The following UBE2H variants were observed in gnomAD, a reference collection of about 807,000 sequenced individuals.
UBE2H encodes the protein ubiquitin conjugating enzyme E2 H.
Under a neutral mutation model 29.0 loss-of-function variants are expected in UBE2H, and 3 were observed. That is an observed-to-expected ratio of 0.10 (90% confidence interval 0.05 to 0.27). The LOEUF (loss-of-function observed/expected upper bound fraction) is 0.27. Among genes scored for constraint, UBE2H ranks in the 10% least tolerant of loss-of-function variants. UBE2H has a pLI of 1.00. For synonymous variants in UBE2H, 69 were observed against 82.9 expected (o/e 0.83, Z 0.91); for missense variants, 68 against 228.2 (o/e 0.30, Z 4.52).
At chr7:129,948,779 T>C (rs1037482768) in intron 1 of UBE2H, among the ~76,000 whole-genome samples, 4 of 152,252 alleles carry the variant, frequency 2.6e-5, no homozygotes, top group African/African-American at 7.2e-5. Context: ...TCCCCATTAT[T>C]ATCCGATCTA....
chr7:129,952,095 GC>G (rs1807888778), intron 1 of UBE2H, among the ~76,000 whole-genome samples: 1 of 152,104 alleles, frequency 6.6e-6, no homozygotes, highest in African/African-American at 2.4e-5. Flanking sequence ...ACGGAGAAAG[GC>G]TTCCCTCTCG....
chr7:129,921,146 C>G (rs1374760677), intron 1 of UBE2H, among the ~76,000 whole-genome samples: 1 of 152,086 alleles, frequency 6.6e-6, no homozygotes, highest in Non-Finnish European at 1.5e-5. Flanking sequence ...AACAATGACC[C>G]TTTGCAGCAG....
At position 129,839,286 on chromosome 7, in the gene UBE2H, A is replaced by C. The variant is rs754216356; in HGVS notation, c.348T>G (p.Pro116=). 2 of 1,613,944 alleles carry C rather than the reference A, an allele frequency of 1.2e-6. No individual in the cohort carries two copies. The highest frequency in any genetic ancestry group is 8.5e-7 in the Non-Finnish European group (1 of 1,179,996). The change falls in exon 6 of 7, where the codon CCT becomes CCG. Residue 116 remains proline (P), a synonymous_variant. Coordinates refer to ENST00000355621, the MANE Select transcript of UBE2H (RefSeq NM_003344.4). ...CACCATTGAGAGGATCTATGGGGTT[A>C]GGATAGGCCAATAACTGAGGCAGGA... ...ESFLPQLLAY[P]NPIDPLNGDA...
intron 5 of UBE2H, among the ~76,000 whole-genome samples, chr7:129,842,927 A>G (rs926943920): frequency 3.9e-5 from 6 of 152,118 alleles, no homozygotes; most frequent in Non-Finnish European, 5.9e-5. Flanking sequence ...TAAAAACAAA[A>G]AACAGTAGTT....
At chr7:129,910,893 A>G (rs1806922269) in intron 1 of UBE2H, among the ~76,000 whole-genome samples, 2 of 152,030 alleles carry the variant, frequency 1.3e-5, no homozygotes, top group South Asian at 4.2e-4. Flanking sequence ...AAAAACAAAA[A>G]CAAAAACAAA....
intron 5 of UBE2H, among the ~76,000 whole-genome samples, chr7:129,851,703 A>G (rs1805612954): frequency 6.6e-6 from 1 of 152,158 alleles, no homozygotes; most frequent in South Asian, 2.1e-4. Context: ...ACGATCCAAA[A>G]AGCCTGGACC....
chr7:129,887,861 C>G (rs1806395930), intron 1 of UBE2H, among the ~76,000 whole-genome samples: 1 of 152,036 alleles, frequency 6.6e-6, no homozygotes, highest in African/African-American at 2.4e-5. Flanking sequence ...CCAGCCTGGG[C>G]AACAAGAATG....
At chr7:129,859,250 G>A (rs1032930956) in intron 3 of UBE2H, among the ~76,000 whole-genome samples, 6 of 152,250 alleles carry the variant, frequency 3.9e-5, no homozygotes, top group African/African-American at 1.4e-4. Flanking sequence ...ACTACTAAAT[G>A]GTTCATAGCC....
intron 5 of UBE2H, among the ~76,000 whole-genome samples, chr7:129,847,513 CTCTT>C (rs1805533731): frequency 1.3e-5 from 2 of 150,850 alleles, no homozygotes; most frequent in South Asian, 2.1e-4. Flanking sequence ...GACCCAGTCT[CTCTT>C]TTTTTTTTTC....
At chr7:129,947,009 T>C (rs969019374) in intron 1 of UBE2H, among the ~76,000 whole-genome samples, 1 of 151,326 alleles carries the variant, frequency 6.6e-6, no homozygotes, top group African/African-American at 2.4e-5. Context: ...ATCTATAAAA[T>C]GCAGGTCAAG....
At chr7:129,939,810 T>C (rs1807604108) in intron 1 of UBE2H, among the ~76,000 whole-genome samples, 1 of 151,794 alleles carries the variant, frequency 6.6e-6, no homozygotes, top group African/African-American at 2.4e-5. Context: ...ATACAAAAAA[T>C]TAGCCGGGCA....
chr7:129,841,366 A>G (rs906621694), intron 5 of UBE2H, among the ~76,000 whole-genome samples: 2 of 152,256 alleles, frequency 1.3e-5, no homozygotes, highest in African/African-American at 4.8e-5. Flanking sequence ...TGTAAGGTTA[A>G]GAAGCTGAGC....
chr7:129,874,974 T>C (rs1370790154), intron 3 of UBE2H, among the ~76,000 whole-genome samples: 3 of 152,170 alleles, frequency 2.0e-5, no homozygotes, highest in South Asian at 4.1e-4. Context: ...GGGAGGCTGC[T>C]GGGAAACACG....
intron 3 of UBE2H, among the ~76,000 whole-genome samples, chr7:129,872,175 G>A (rs547427211): frequency 6.6e-6 from 1 of 152,168 alleles, no homozygotes; most frequent in Admixed American, 6.5e-5. Flanking sequence ...TTTTATTTGT[G>A]AAAATACAGT....
At chr7:129,880,812 T>C (rs1263107537) in intron 2 of UBE2H, 83 bp downstream of exon 2, 1 of 1,276,536 alleles carries the variant, frequency 7.8e-7, no homozygotes, top group Non-Finnish European at 1.1e-6. Context: ...AAACTACGCA[T>C]GCTACCATCT....
At chr7:129,898,657 C>T (rs910959105) in intron 1 of UBE2H, among the ~76,000 whole-genome samples, 3 of 152,132 alleles carry the variant, frequency 2.0e-5, no homozygotes, top group African/African-American at 7.2e-5. Flanking sequence ...GTTTGCACCA[C>T]GGAGACAAGT....
At chr7:129,880,144 T>C (rs1806225027) in intron 2 of UBE2H, among the ~76,000 whole-genome samples, 1 of 151,748 alleles carries the variant, frequency 6.6e-6, no homozygotes, top group African/African-American at 2.4e-5. Context: ...CAACCACAGA[T>C]CAAAAATATT....
chr7:129,879,669 A>G, intron 2 of UBE2H, 27 bp from the exon 3 acceptor site: 1 of 1,575,438 alleles, frequency 6.3e-7, no homozygotes. Context: ...AATGTTCATC[A>G]GAACTACATC....
intron 3 of UBE2H, among the ~76,000 whole-genome samples, chr7:129,874,117 C>T (rs1017682746): frequency 6.6e-6 from 1 of 151,968 alleles, no homozygotes; most frequent in Non-Finnish European, 1.5e-5. Flanking sequence ...AATTAGGATA[C>T]AATTCTGTTA....
Sources: gnomAD v4.1 joint callset for allele counts (sites outside exome capture counted in the v4.1 genomes callset) on GRCh38, gnomAD v4.1.1 for gene constraint, MANE v1.5 for transcripts, NCBI Gene and HGNC (gene_info 2026-07-23, HGNC 2026-07-21) for gene names.